Variants in FBP1 observed in about 807,000 individuals in gnomAD.
FBP1 encodes fructose-bisphosphatase 1.
In FBP1, 22 loss-of-function variants were observed where a neutral mutation model predicts 29.9. That is an observed-to-expected ratio of 0.74 (90% CI 0.53 to 1.05). FBP1 has a LOEUF of 1.05. FBP1 is among the 50% of genes least tolerant of loss of function. The pLI, the probability that FBP1 is intolerant of heterozygous loss-of-function variation, is 0.00. For missense variants in FBP1, 345 were observed against 448.2 expected, an observed-to-expected ratio of 0.77 and a Z score of 2.08; for synonymous variants, 175 against 178.6, an observed-to-expected ratio of 0.98 and a Z score of 0.16.
chr9:94,607,611 G>A (rs115867034), intron 4 of FBP1, among the ~76,000 whole-genome samples: 524 of 152,266 alleles, frequency 3.4e-3, no homozygotes, highest in African/African-American at 0.012. Context: ...TTAAGCTTTA[G>A]GCTCTTCAAA....
In FBP1 at chr9:94,603,483, G is replaced by A. The variant is rs762285012; in HGVS notation, c.915C>T (p.Asp305=). Residue 305 remains aspartate, a synonymous_variant, in exon 7 of 7, where the codon GAC becomes GAT. Coordinates refer to ENST00000375326, the MANE Select transcript of FBP1 (RefSeq NM_000507.4). ...TCTGGTGAATGTCTGTGGGAATGAC[G>A]TCTAACACGGCCTCCTTCCCAGTGG... ...MATTGKEAVL[D]VIPTDIHQRA... 3.8e-5 allele frequency: 61 copies of A among 1,614,082 alleles called. No individual in the cohort carries two copies. In the Middle Eastern group the frequency reaches 1.8e-3, roughly 48 times the overall value.
chr9:94,612,062 T>A (rs542868013), intron 3 of FBP1, among the ~76,000 whole-genome samples: 19 of 152,352 alleles, frequency 1.2e-4, no homozygotes, highest in African/African-American at 4.6e-4. Context: ...CACCAGACAG[T>A]ACAGTGGAGC....
intron 1 of FBP1, among the ~76,000 whole-genome samples, chr9:94,633,315 C>T (rs1451037378): frequency 6.6e-6 from 1 of 152,134 alleles, no homozygotes; most frequent in Admixed American, 6.6e-5. Flanking sequence ...CATATCCTAT[C>T]TTTCGCTCTT....
chr9:94,630,181 C>G (rs891550318), intron 1 of FBP1, among the ~76,000 whole-genome samples: 1 of 151,628 alleles, frequency 6.6e-6, no homozygotes, highest in African/African-American at 2.4e-5. Flanking sequence ...TAGAACAATG[C>G]CTGCACATAG....
chr9:94,611,895 C>A (rs59349821), intron 3 of FBP1, among the ~76,000 whole-genome samples: 96 of 152,306 alleles, frequency 6.3e-4, no homozygotes, highest in African/African-American at 2.0e-3. Context: ...ACTTCACATT[C>A]AAGCATAACA....
At chr9:94,639,539 T>C, upstream of FBP1, 1 of 609,148 alleles carries the variant, frequency 1.6e-6, no homozygotes, top group South Asian at 2.0e-5. Context: ...GGCGGGTGAA[T>C]CGCGGAAACC....
chr9:94,633,800 A>C (rs866368556), intron 1 of FBP1, among the ~76,000 whole-genome samples: 44 of 151,488 alleles, frequency 2.9e-4, no homozygotes, highest in African/African-American at 1.1e-3. Context: ...CGCCTCCCAG[A>C]TTCACAACAT....
At chr9:94,615,034 A>C (rs537054408) in intron 3 of FBP1, among the ~76,000 whole-genome samples, 14 of 152,128 alleles carry the variant, frequency 9.2e-5, no homozygotes, top group Admixed American at 3.3e-4. Context: ...TCAGCCTCCC[A>C]GGTAGCTGGG....
At chr9:94,613,923 CAA>C (rs536353078) in intron 3 of FBP1, among the ~76,000 whole-genome samples, 4 of 148,414 alleles carry the variant, frequency 2.7e-5, no homozygotes, top group Admixed American at 6.7e-5. Context: ...ACTAAAAATA[CAA>C]AAAAAATTAG....
Position 94,626,965 on chromosome 9 carries a change from G to A in FBP1, c.171-6474C>T, listed in dbSNP as rs548077946. The stretch of plus-strand genomic sequence containing the variant: ...ACACTTTGGGAGGCTGAGGCAGGTG[G>A]ATCACCTGAGGCTGGGAGTTCAAGA... On this transcript the variant is annotated intron_variant, in intron 1 of 6. Coordinates refer to ENST00000375326, the MANE Select transcript of FBP1 (RefSeq NM_000507.4). Among the ~76,000 whole-genome samples, 51 of 152,126 alleles carry A rather than the reference G, an allele frequency of 3.4e-4. 1 individual carries two copies. The highest frequency in any genetic ancestry group is 3.0e-3 in the Admixed American group (46 of 15,268).
At chr9:94,603,870 G>A (rs746473808) in intron 6 of FBP1, 5 of 421,148 alleles carry the variant, frequency 1.2e-5, no homozygotes, top group African/African-American at 4.1e-5. Context: ...TGGCAGAAGC[G>A]ATCATTGCCT....
At chr9:94,610,743 A>AT (rs1240954465) in intron 3 of FBP1, among the ~76,000 whole-genome samples, 1 of 152,140 alleles carries the variant, frequency 6.6e-6, no homozygotes, top group Non-Finnish European at 1.5e-5. Flanking sequence ...GCCGTAATCC[A>AT]TTTTTTCATT....
intron 3 of FBP1, among the ~76,000 whole-genome samples, chr9:94,611,035 T>C (rs961687133): frequency 6.6e-6 from 1 of 152,100 alleles, no homozygotes; most frequent in African/African-American, 2.4e-5. Context: ...AGTTAATTTT[T>C]TGTATTTTTA....
At chr9:94,622,049 C>T (rs2131491581) in intron 1 of FBP1, among the ~76,000 whole-genome samples, 1 of 152,292 alleles carries the variant, frequency 6.6e-6, no homozygotes, top group Non-Finnish European at 1.5e-5. Flanking sequence ...GGCCAGGGCT[C>T]TCTTGGTGAC....
In FBP1 at chr9:94,623,769, C is replaced by T. The variant is rs28369678; in HGVS notation, c.171-3278G>A. ...CAGGGACCTGCTGTGCACGGGGAACCGTTCTAGATGCTGGGGTTACAGTGC... is the reference window on the plus strand; with the variant it reads ...CAGGGACCTGCTGTGCACGGGGAACTGTTCTAGATGCTGGGGTTACAGTGC... On this transcript the variant is annotated intron_variant, in intron 1 of 6. Transcript: ENST00000375326. Among the ~76,000 whole-genome samples the T allele has an allele frequency of 4.6e-5, 7 of 152,336 alleles. No homozygotes were observed. The East Asian group carries it at 5.8e-4, about 13-fold the overall frequency.
rs566367195 is a variant in FBP1, at chr9:94,607,020, C to T, written c.568-68G>A. The T allele has an allele frequency of 3.3e-5, 53 of 1,606,020 alleles. 1 individual carries two copies. In the South Asian group the frequency reaches 4.6e-4, roughly 14 times the overall value. On this transcript the variant is annotated intron_variant, in intron 4 of 6. Transcript: ENST00000375326. ...CTGGGTCCCCCAGGCCTGGATGAGGCGAGCGATGGGCTGGGCTACGCTGGG... is the reference window on the plus strand; with the variant it reads ...CTGGGTCCCCCAGGCCTGGATGAGGTGAGCGATGGGCTGGGCTACGCTGGG...
intron 1 of FBP1, among the ~76,000 whole-genome samples, chr9:94,633,728 G>A (rs1828145339): frequency 6.6e-6 from 1 of 151,382 alleles, no homozygotes; most frequent in African/African-American, 2.4e-5. Context: ...TTTTTGAGAC[G>A]GAGTCTCCCT....
intron 4 of FBP1, among the ~76,000 whole-genome samples, chr9:94,608,610 C>T (rs1024008166): frequency 6.6e-5 from 10 of 151,666 alleles, no homozygotes; most frequent in African/African-American, 2.4e-4. Flanking sequence ...AACTCCCCCA[C>T]CCCACCCCTA....
At chr9:94,624,584 C>T (rs1017127979) in intron 1 of FBP1, among the ~76,000 whole-genome samples, 7 of 151,696 alleles carry the variant, frequency 4.6e-5, no homozygotes, top group African/African-American at 1.5e-4. Flanking sequence ...ACCCAGGAGG[C>T]GGAGGTTGCA....
Sources: allele counts gnomAD v4.1 joint callset (sites outside exome capture counted in the v4.1 genomes callset), GRCh38; gene constraint gnomAD v4.1.1; transcripts MANE v1.5; gene names NCBI Gene and HGNC (gene_info 2026-07-23, HGNC 2026-07-21).